The following PPP1R16B variants were observed in gnomAD, a reference collection of about 807,000 sequenced individuals.
PPP1R16B encodes protein phosphatase 1 regulatory inhibitor subunit 16B.
A neutral mutation model predicts 61.7 loss-of-function variants in PPP1R16B; 14 were observed. The ratio of observed to expected loss-of-function variants is 0.23; its 90% CI spans 0.15 to 0.35. The LOEUF is 0.35. Among genes scored for constraint, PPP1R16B ranks in the 10% least tolerant of loss-of-function variants. The pLI is 1.00. For missense variants in PPP1R16B, 547 were observed against 752.5 expected (o/e 0.73, Z 3.19); for synonymous variants, 266 against 305.3 (o/e 0.87, Z 1.34).
At chr20:38,868,532 A>T (rs1160178333) in intron 2 of PPP1R16B, among the ~76,000 whole-genome samples, 1 of 151,982 alleles carries the variant, frequency 6.6e-6, no homozygotes, top group Non-Finnish European at 1.5e-5. Context: ...TTACAGGCAC[A>T]TGCCACCTCG....
chr20:38,838,395 A>G (rs1178461662), intron 2 of PPP1R16B: 1 of 152,302 alleles, frequency 6.6e-6, no homozygotes, highest in Non-Finnish European at 1.5e-5. Context: ...TTCAGGTTCT[A>G]GAACCCTCTG....
In PPP1R16B at chr20:38,907,922, G is replaced by A. The variant is rs751756577; in HGVS notation, c.1015G>A (p.Ala339Thr). 29 of 1,614,070 alleles carry A rather than the reference G, an allele frequency of 1.8e-5. 1 individual carries two copies. The Admixed American group carries it at 2.2e-4, about 12-fold the overall frequency. ...ATCCTTGAGCCGGAGGACCTCCAGC[G>A]CAGGCAGCCGTGGGTGAGTCCGGGG... The part of the protein sequence containing the change: ...KSSLSRRTSS[A>T]GSRGKVVRRA... The change falls in exon 9 of 11, where the codon GCA becomes ACA. Residue 339 changes from alanine to threonine, a missense_variant. Coordinates refer to ENST00000299824, the MANE Select transcript of PPP1R16B (RefSeq NM_015568.4). This position sits in a 1 kb window ranked among gnomAD's most constrained non-coding sequence, Gnocchi z 4.5.
intron 2 of PPP1R16B, among the ~76,000 whole-genome samples, chr20:38,858,762 A>C (rs1411124577): frequency 6.6e-6 from 1 of 152,168 alleles, no homozygotes; most frequent in Non-Finnish European, 1.5e-5. Flanking sequence ...AACCTGTATT[A>C]TTAGGGAGGT....
chr20:38,890,772 C>T (rs1458510824), intron 3 of PPP1R16B, among the ~76,000 whole-genome samples: 1 of 152,176 alleles, frequency 6.6e-6, no homozygotes, highest in East Asian at 1.9e-4. Context: ...TCCCTGTGCC[C>T]GAGTTTCTAA....
At chr20:38,865,577 C>T (rs1440554647) in intron 2 of PPP1R16B, among the ~76,000 whole-genome samples, 2 of 152,150 alleles carry the variant, frequency 1.3e-5, no homozygotes, top group African/African-American at 2.4e-5. Flanking sequence ...AGGCGTGAGC[C>T]GCCGCGCCCG....
intron 2 of PPP1R16B, among the ~76,000 whole-genome samples, chr20:38,840,513 T>C (rs570987570): frequency 1.1e-3 from 168 of 152,240 alleles, no homozygotes; most frequent in Admixed American, 2.6e-3. Context: ...TCCTCCCATA[T>C]TCCCTGCGTT....
In PPP1R16B at chr20:38,919,607, C is replaced by T. The variant is rs946076757; in HGVS notation, c.*941C>T. The T allele has an allele frequency of 6.6e-6, 1 of 152,172 alleles. No homozygotes were observed. The highest frequency in any genetic ancestry group is 1.5e-5 in the Non-Finnish European group (1 of 68,046). 9.4% of individuals were successfully genotyped at this position (152,172 alleles called of 1,614,324 possible). The stretch of plus-strand genomic sequence containing the variant: ...CTTTTTGTGGATCGTATCAAGGTCA[C>T]TGGGTTTTACTGGCTGGTGCTGGGA... On this transcript the variant is annotated 3_prime_UTR_variant, in exon 11 of 11. Coordinates refer to ENST00000299824, the MANE Select transcript of PPP1R16B (RefSeq NM_015568.4).
intron 2 of PPP1R16B, among the ~76,000 whole-genome samples, chr20:38,842,832 A>T (rs1601250009): frequency 5.2e-5 from 1 of 19,346 alleles, no homozygotes; most frequent in South Asian, 1.7e-3. Flanking sequence ...CTAATTATTA[A>T]AAAAAAAAAA....
At chr20:38,855,762 G>C (rs2084999781) in intron 2 of PPP1R16B, among the ~76,000 whole-genome samples, 1 of 151,656 alleles carries the variant, frequency 6.6e-6, no homozygotes, top group Non-Finnish European at 1.5e-5. Context: ...TTGTGGCTGA[G>C]ACTCCTGGCA....
chr20:38,894,933 G>C (rs546382481), intron 3 of PPP1R16B, among the ~76,000 whole-genome samples: 1 of 152,326 alleles, frequency 6.6e-6, no homozygotes, highest in South Asian at 2.1e-4. Flanking sequence ...AAACATGGCT[G>C]TCTCCTCGCA....
intron 1 of PPP1R16B, among the ~76,000 whole-genome samples, chr20:38,814,188 T>A (rs1454783085): frequency 6.6e-6 from 1 of 152,200 alleles, no homozygotes. Context: ...AGCCAGTAAA[T>A]GGAAAAGTCA....
rs2085606573 is a variant in PPP1R16B at position 38,922,392 on chromosome 20, T to G, written c.*3726T>G. 1 of 152,672 alleles carries G rather than the reference T, an allele frequency of 6.5e-6. No individual in the cohort carries two copies. The highest frequency in any genetic ancestry group is 2.4e-5 in the African/African-American group (1 of 41,452). 9.5% of individuals were successfully genotyped at this position (152,672 alleles called of 1,614,324 possible). On this transcript the variant is annotated 3_prime_UTR_variant, in exon 11 of 11. Transcript: ENST00000299824. ...GGTACTTTTAAGAAGGGTGCTCCTT[T>G]TAAGATGCCCAGAAAAGCTGTATTT... is the stretch of plus-strand genomic sequence containing the variant.
chr20:38,898,733 C>A (rs903765884), intron 4 of PPP1R16B, among the ~76,000 whole-genome samples: 6 of 152,080 alleles, frequency 3.9e-5, no homozygotes, highest in African/African-American at 1.2e-4. Context: ...CTGCTTGAAC[C>A]TGGGAGGCGG....
intron 1 of PPP1R16B, among the ~76,000 whole-genome samples, chr20:38,816,285 C>T (rs16987615): frequency 6.6e-6 from 1 of 152,268 alleles, no homozygotes; most frequent in African/African-American, 2.4e-5. Context: ...CCGGGCAGAT[C>T]TGTACGTTGG....
Position 38,853,228 on chromosome 20 carries a change from T to A in PPP1R16B, c.250+17053T>A, listed in dbSNP as rs369655019. Among the ~76,000 whole-genome samples, 7 of 152,338 alleles carry A rather than the reference T, an allele frequency of 4.6e-5. No homozygotes were observed. In the South Asian group the frequency reaches 1.2e-3, roughly 27 times the overall value. Reference sequence around the variant, plus strand: ...AACACTGGGGTTTGAAAAACAGGAATGTTCCAGAATCTTCTCAGAGTATTA... The same window carrying A: ...AACACTGGGGTTTGAAAAACAGGAAAGTTCCAGAATCTTCTCAGAGTATTA... On this transcript the variant is annotated intron_variant, in intron 2 of 10. Coordinates refer to ENST00000299824, the MANE Select transcript of PPP1R16B (RefSeq NM_015568.4).
chr20:38,863,641 C>T (rs926706140), intron 2 of PPP1R16B, among the ~76,000 whole-genome samples: 3 of 152,148 alleles, frequency 2.0e-5, no homozygotes, highest in African/African-American at 4.8e-5. Context: ...TGAACAGTGA[C>T]GGTCACAGTA....
chr20:38,807,161 AC>A, intron 1 of PPP1R16B, among the ~76,000 whole-genome samples: 1 of 151,732 alleles, frequency 6.6e-6, no homozygotes, highest in East Asian at 1.9e-4. Flanking sequence ...TTCCCTGTGT[AC>A]CCTGCCATTT....
intron 2 of PPP1R16B, among the ~76,000 whole-genome samples, chr20:38,871,624 A>C: frequency 8.8e-6 from 1 of 113,456 alleles, no homozygotes; most frequent in Non-Finnish European, 1.8e-5. Context: ...GAGGGAGGGA[A>C]GGAAGGAAGG....
At chr20:38,885,100 T>C (rs1279130695) in intron 2 of PPP1R16B, among the ~76,000 whole-genome samples, 27 of 139,080 alleles carry the variant, frequency 1.9e-4, no homozygotes, top group Admixed American at 1.9e-3. Flanking sequence ...ATGCCTTAAA[T>C]CCCAGCACTT....
Sources: allele counts gnomAD v4.1 joint callset (sites outside exome capture counted in the v4.1 genomes callset), GRCh38; gene constraint gnomAD v4.1.1; non-coding constraint Gnocchi (gnomAD v3.1); transcripts MANE v1.5; gene names NCBI Gene and HGNC (gene_info 2026-07-23, HGNC 2026-07-21).